The following BABAM2 variants were observed in gnomAD, a reference collection of about 807,000 sequenced individuals.
BABAM2 encodes BRISC and BRCA1-A complex member 2.
In BABAM2, 31 loss-of-function variants were observed where a neutral mutation model predicts 54.7. That is an observed-to-expected ratio of 0.57 (90% confidence interval 0.43 to 0.77). BABAM2 has a LOEUF of 0.77. Among genes scored for constraint, BABAM2 ranks in the 30% least tolerant of loss-of-function variants. The pLI, the probability that BABAM2 is intolerant of heterozygous loss-of-function variation, is 0.00. For missense variants in BABAM2, 364 were observed against 455.8 expected (o/e 0.80, Z 1.83); for synonymous variants, 167 against 162.9 (o/e 1.03, Z -0.19).
At chr2:28,223,487 A>G (rs1197117675) in intron 7 of BABAM2, among the ~76,000 whole-genome samples, 4 of 152,204 alleles carry the variant, frequency 2.6e-5, no homozygotes, top group Non-Finnish European at 4.4e-5. Flanking sequence ...GCACCTGCCT[A>G]CAGCCCCTTA....
At chr2:28,036,406 T>C (rs1169455333) in intron 5 of BABAM2, among the ~76,000 whole-genome samples, 1 of 152,310 alleles carries the variant, frequency 6.6e-6, no homozygotes, top group East Asian at 1.9e-4. Flanking sequence ...ACCATTAACT[T>C]ATTTACTTCA....
chr2:28,288,329 C>CTTT (rs370784439), intron 10 of BABAM2, among the ~76,000 whole-genome samples: 1 of 134,238 alleles, frequency 7.4e-6, no homozygotes, highest in Non-Finnish European at 1.6e-5. Flanking sequence ...CTTTTCTTTT[C>CTTT]TTTTTTTTTT....
chr2:28,206,391 C>T (rs943568856), intron 7 of BABAM2, among the ~76,000 whole-genome samples: 1 of 152,096 alleles, frequency 6.6e-6, no homozygotes, highest in Non-Finnish European at 1.5e-5. Context: ...ATGATCCGAG[C>T]TGTGGCCTAA....
chr2:28,122,632 TG>T, intron 6 of BABAM2, among the ~76,000 whole-genome samples: 1 of 152,336 alleles, frequency 6.6e-6, no homozygotes, highest in East Asian at 1.9e-4. Context: ...ATTAGTTAAT[TG>T]GTAGTTTGTA....
chr2:27,911,065 C>T (rs915587135), intron 2 of BABAM2, among the ~76,000 whole-genome samples: 2 of 152,164 alleles, frequency 1.3e-5, no homozygotes, highest in Non-Finnish European at 2.9e-5. Flanking sequence ...CTTGCTGCCA[C>T]CACGTGAAGA....
intron 7 of BABAM2, among the ~76,000 whole-genome samples, chr2:28,205,642 G>A (rs1267311382): frequency 2.6e-5 from 4 of 152,176 alleles, no homozygotes; most frequent in Admixed American, 6.5e-5. Flanking sequence ...GAGCTTCAGT[G>A]AAGCTCTTCC....
intron 3 of BABAM2, among the ~76,000 whole-genome samples, chr2:27,966,106 C>T (rs748741232): frequency 2.6e-5 from 4 of 152,116 alleles, no homozygotes; most frequent in Non-Finnish European, 5.9e-5. Context: ...AAGACTATCT[C>T]ACAGGTAACA....
chr2:28,248,136 T>A (rs762280172), intron 10 of BABAM2, among the ~76,000 whole-genome samples: 1 of 152,062 alleles, frequency 6.6e-6, no homozygotes, highest in Non-Finnish European at 1.5e-5. Context: ...AATTCCATAT[T>A]TGCCAAATTA....
At chr2:27,899,655 T>C (rs933317277) in intron 2 of BABAM2, among the ~76,000 whole-genome samples, 21 of 151,984 alleles carry the variant, frequency 1.4e-4, no homozygotes, top group African/African-American at 5.1e-4. Flanking sequence ...TTAGTAGAGA[T>C]GGGGTTTCAT....
At chr2:27,937,021 A>G (rs1308010166) in intron 3 of BABAM2, among the ~76,000 whole-genome samples, 1 of 152,226 alleles carries the variant, frequency 6.6e-6, no homozygotes, top group East Asian at 1.9e-4. Context: ...GCTATTATAC[A>G]CTTAATAGAC....
intron 3 of BABAM2, among the ~76,000 whole-genome samples, chr2:27,985,095 G>GTGTGTA (rs1672309232): frequency 6.6e-6 from 1 of 151,132 alleles, no homozygotes; most frequent in Non-Finnish European, 1.5e-5. Flanking sequence ...GTGTGTGTGT[G>GTGTGTA]TGTAGCTACG....
intron 3 of BABAM2, among the ~76,000 whole-genome samples, chr2:27,957,728 C>T (rs1670190842): frequency 6.6e-6 from 1 of 152,138 alleles, no homozygotes; most frequent in Non-Finnish European, 1.5e-5. Context: ...ATACCATGAC[C>T]TTACCACTCC....
chr2:28,248,629 C>CCT (rs1460597874), intron 10 of BABAM2, among the ~76,000 whole-genome samples: 1 of 152,140 alleles, frequency 6.6e-6, no homozygotes, highest in Non-Finnish European at 1.5e-5. Flanking sequence ...CAGTCAACTG[C>CCT]ACTGTAAGTA....
intron 6 of BABAM2, among the ~76,000 whole-genome samples, chr2:28,085,210 A>C (rs1440285405): frequency 6.6e-6 from 1 of 152,244 alleles, no homozygotes; most frequent in East Asian, 1.9e-4. Flanking sequence ...GTATTGTGTT[A>C]ACAAATACAT....
chr2:28,054,022 A>G (rs1177450165), intron 6 of BABAM2, among the ~76,000 whole-genome samples: 1 of 152,178 alleles, frequency 6.6e-6, no homozygotes, highest in African/African-American at 2.4e-5. Context: ...TGAATTTCTA[A>G]AAACAAAAAC....
Position 28,338,879 on chromosome 2 carries a change from C to T in BABAM2, c.*366C>T. On this transcript the variant is annotated 3_prime_UTR_variant, in exon 12 of 12. Transcript: ENST00000379624. ...CCTCTTAAGTTCTAAGATTAAATGC[C>T]CCTCGCTGTTCTTCCTCTGAAACTA... The T allele has an allele frequency of 4.1e-6, 1 of 242,100 alleles. No individual in the cohort carries two copies. The highest frequency in any genetic ancestry group is 8.2e-6 in the Non-Finnish European group (1 of 122,256). The allele number at this position is 242,100 out of a possible 1,614,324, so 15.0% of individuals were successfully genotyped here.
At chr2:28,042,924 T>A (rs1472152834) in intron 5 of BABAM2, among the ~76,000 whole-genome samples, 5 of 151,606 alleles carry the variant, frequency 3.3e-5, no homozygotes, top group Non-Finnish European at 7.4e-5. Flanking sequence ...CTCGGGAGGC[T>A]GAGGCAGGAG....
chr2:27,918,106 A>G (rs1335325654), intron 2 of BABAM2, among the ~76,000 whole-genome samples: 1 of 152,246 alleles, frequency 6.6e-6, no homozygotes, highest in Non-Finnish European at 1.5e-5. Context: ...GGTAAAATAC[A>G]TGTAACATAA....
intron 11 of BABAM2, among the ~76,000 whole-genome samples, chr2:28,326,287 C>A (rs1244731328): frequency 6.6e-6 from 1 of 152,210 alleles, no homozygotes; most frequent in Non-Finnish European, 1.5e-5. Flanking sequence ...CTGCACCCCA[C>A]CCCAGGCAGC....
Sources: gnomAD v4.1 joint callset for allele counts (sites outside exome capture counted in the v4.1 genomes callset) on GRCh38, gnomAD v4.1.1 for gene constraint, MANE v1.5 for transcripts, NCBI Gene and HGNC (gene_info 2026-07-23, HGNC 2026-07-21) for gene names.